Variants in ZDHHC24 observed in about 807,000 individuals in gnomAD.
ZDHHC24 encodes zDHHC palmitoyltransferase 24.
In ZDHHC24, 17 loss-of-function variants were observed where a neutral mutation model predicts 23.2. The observed-to-expected ratio is 0.73, with a 90% confidence interval of 0.50 to 1.10. The LOEUF is 1.10. ZDHHC24 is among the 50% of genes least tolerant of loss of function. The pLI is 0.00. For missense variants in ZDHHC24, 366 were observed against 393.0 expected, an observed-to-expected ratio of 0.93 and a Z score of 0.58; for synonymous variants, 186 against 194.5, an observed-to-expected ratio of 0.96 and a Z score of 0.36.
downstream of ZDHHC24, chr11:66,531,162 C>A: frequency 8.0e-7 from 1 of 1,255,190 alleles, no homozygotes; most frequent in Non-Finnish European, 1.1e-6. Context: ...ACCTACTCTC[C>A]CACCACAGAC....
At position 66,529,755 on chromosome 11, in the gene ZDHHC24, C is replaced by T. The variant is rs1185924011; in HGVS notation, c.560-267G>A. The stretch of plus-strand genomic sequence containing the variant: ...CACACCAACCTGAGCAGGAGTGCCC[C>T]GTTGCTGCCTCCTCCCTGCCACCCC... On this transcript the variant is annotated intron_variant, in intron 2 of 4. Transcript: ENST00000526986. The T allele has an allele frequency of 3.8e-6, 6 of 1,595,298 alleles. No homozygotes were observed. In the Admixed American group the frequency reaches 6.7e-5, roughly 18 times the overall value.
Position 66,543,928 on chromosome 11 carries a change from G to A in ZDHHC24, c.335C>T (p.Ala112Val). The change falls in exon 2 of 3, where the codon GCC (alanine) becomes GTC (valine). Residue 112 changes from alanine to valine, a missense_variant. Coordinates refer to ENST00000310442, the MANE Select transcript of ZDHHC24 (RefSeq NM_207340.3). Reference protein sequence around the residue: ...QVPPRSGHCSACRVCILRRDH... With the variant: ...QVPPRSGHCSVCRVCILRRDH... ...CCGACGCAGGATGCAGACGCGGCAG[G>A]CAGAGCAGTGTCCGCTGCGTGGCGG... The A allele has an allele frequency of 1.2e-6, 2 of 1,613,990 alleles. No homozygotes were observed. Among genetic ancestry groups the A allele is most frequent in the Non-Finnish European group, 1.7e-6 (2 of 1,179,934 alleles).
Position 66,545,156 on chromosome 11 carries a change from C to A in ZDHHC24, c.281+567G>T, listed in dbSNP as rs1857272953. The stretch of plus-strand genomic sequence containing the variant: ...CCAGGTTCAAACAATTCTCTTGCCT[C>A]AGCCTCCCCAGTAGCTGAGATTACA... On this transcript the variant is annotated intron_variant, in intron 1 of 2. Transcript: ENST00000310442. The surrounding 1 kb of genome is among the most constrained non-coding windows in gnomAD (Gnocchi z 4.5). Among the ~76,000 whole-genome samples the A allele has an allele frequency of 6.6e-6, 1 of 152,226 alleles. No homozygotes were observed. The highest frequency in any genetic ancestry group is 1.5e-5 in the Non-Finnish European group (1 of 68,048).
At chr11:66,530,864 A>G, downstream of ZDHHC24, 9 of 1,614,006 alleles carry the variant, frequency 5.6e-6, no homozygotes, top group Non-Finnish European at 7.6e-6. Context: ...GCCAGGTCCT[A>G]AGGGCTTTCT....
At chr11:66,528,986 A>G (rs1381103385) in intron 3 of ZDHHC24, 4 of 744,460 alleles carry the variant, frequency 5.4e-6, no homozygotes, top group African/African-American at 1.9e-5. Context: ...AAAAAAAAAA[A>G]AAAGGAAGAA....
At chr11:66,539,968 G>A (rs1258184690) in intron 2 of ZDHHC24, 144 bp from the exon 3 acceptor site, 1 of 806,572 alleles carries the variant, frequency 1.2e-6, no homozygotes, top group Admixed American at 3.4e-5. Flanking sequence ...CGTGCTGGGT[G>A]ACAAGAACGC....
exon 5 of ZDHHC24, chr11:66,521,428 T>C: frequency 2.8e-6 from 4 of 1,445,606 alleles, no homozygotes; most frequent in Non-Finnish European, 2.9e-6. Context: ...AGAAAACTGG[T>C]GGCTTCAGAG....
At chr11:66,527,954 G>A (rs116062788) in intron 3 of ZDHHC24, among the ~76,000 whole-genome samples, 2,102 of 152,236 alleles carry the variant, frequency 0.014, 53 homozygotes, top group African/African-American at 0.048. Context: ...AAGCAGGCCC[G>A]GTTCGGTGGC....
downstream of ZDHHC24, among the ~76,000 whole-genome samples, chr11:66,534,405 T>C (rs545705503): frequency 8.7e-6 from 1 of 115,434 alleles, no homozygotes; most frequent in East Asian, 3.1e-4. Context: ...ATCGCGCCAC[T>C]ACACCACTCT....
chr11:66,530,255 A>G (rs997801973), intron 2 of ZDHHC24, among the ~76,000 whole-genome samples: 2 of 152,094 alleles, frequency 1.3e-5, no homozygotes, highest in African/African-American at 4.8e-5. Flanking sequence ...ACCTGAAGGG[A>G]TCCTTACAGC....
exon 3 of ZDHHC24, chr11:66,529,423 A>G (rs1565289396): frequency 2.0e-6 from 2 of 982,026 alleles, no homozygotes; most frequent in East Asian, 2.6e-5. Context: ...CACATGCACA[A>G]TATCGAGCGT....
chr11:66,543,843 C>A lies in ZDHHC24; in HGVS notation c.420G>T (p.Leu140=), dbSNP rs777779822. The part of the protein sequence containing the change: ...CVGFGNYRPF[L]CLLLHAAGVL... Reference sequence around the variant, plus strand: ...CGCCGGCGGCATGAAGCAGCAGGCACAGGAAGGGCCGGTAGTTGCCGAAGC... The same window carrying A: ...CGCCGGCGGCATGAAGCAGCAGGCAAAGGAAGGGCCGGTAGTTGCCGAAGC... Residue 140 remains leucine (L), a synonymous_variant, in exon 2 of 3, where the codon CTG becomes CTT. Coordinates refer to ENST00000310442, the MANE Select transcript of ZDHHC24 (RefSeq NM_207340.3). The A allele has an allele frequency of 6.2e-7, 1 of 1,613,830 alleles. No homozygotes were observed. Among genetic ancestry groups the A allele is most frequent in the Non-Finnish European group, 8.5e-7 (1 of 1,179,858 alleles).
At chr11:66,521,318 GA>G (rs1565284468) in exon 5 of ZDHHC24, 1 of 1,614,252 alleles carries the variant, frequency 6.2e-7, no homozygotes, top group Non-Finnish European at 8.5e-7. Context: ...TGGCCAGTTT[GA>G]TGTTGAGTTC....
Position 66,537,654 on chromosome 11 carries a change from A to T in ZDHHC24, c.*1875T>A, listed in dbSNP as rs570930935. The T allele has an allele frequency of 1.4e-5, 2 of 140,282 alleles. No homozygotes were observed. Among genetic ancestry groups the T allele is most frequent in the Non-Finnish European group, 1.6e-5 (1 of 64,102 alleles). 8.7% of individuals were successfully genotyped at this position (140,282 alleles called of 1,614,324 possible). A position where few individuals can be genotyped will look rare whatever the true frequency, so the allele number is the denominator to read the frequency against. Reference sequence around the variant, plus strand: ...ATCAAGACCATCCTGGCCGGCCAGGAGTGGTGGCTCACACCTGTAATCCCA... The same window carrying T: ...ATCAAGACCATCCTGGCCGGCCAGGTGTGGTGGCTCACACCTGTAATCCCA... On this transcript the variant is annotated 3_prime_UTR_variant, in exon 3 of 3. Transcript: ENST00000310442.
At chr11:66,527,435 C>T (rs962603716) in intron 3 of ZDHHC24, 13 of 252,320 alleles carry the variant, frequency 5.2e-5, no homozygotes, top group Non-Finnish European at 9.4e-5. Context: ...CTTTGGGAGG[C>T]GGAGATGGGC....
intron 2 of ZDHHC24, among the ~76,000 whole-genome samples, chr11:66,542,124 C>G (rs1422228593): frequency 6.6e-6 from 1 of 152,024 alleles, no homozygotes. Flanking sequence ...CAGCTGATGT[C>G]TCACTTTCTC....
At chr11:66,531,617 C>T (rs755080922), downstream of ZDHHC24, 30 of 1,613,648 alleles carry the variant, frequency 1.9e-5, no homozygotes, top group South Asian at 9.9e-5. Context: ...AACACTGGCA[C>T]GAGGGCTGGT....
At chr11:66,532,041 C>G (rs1007361452), downstream of ZDHHC24, 2 of 1,599,420 alleles carry the variant, frequency 1.3e-6, no homozygotes, top group Non-Finnish European at 1.7e-6. Context: ...CGCCTGAGAC[C>G]TGAGCTGCTG....
intron 2 of ZDHHC24, 152 bp from the exon 3 acceptor site, chr11:66,539,976 C>A: frequency 1.3e-6 from 1 of 759,830 alleles, no homozygotes; most frequent in Non-Finnish European, 2.0e-6. Flanking sequence ...GTGACAAGAA[C>A]GCACTGGTAA....
Sources: allele counts gnomAD v4.1 joint callset (sites outside exome capture counted in the v4.1 genomes callset), GRCh38; gene constraint gnomAD v4.1.1; non-coding constraint Gnocchi (gnomAD v3.1); transcripts MANE v1.5; gene names NCBI Gene and HGNC (gene_info 2026-07-23, HGNC 2026-07-21).